UNC80: variants seen among roughly 807,000 people sequenced by gnomAD.
UNC80 encodes the protein unc-80 subunit of NALCN channel complex, also known as protein unc-80 homolog.
A neutral mutation model predicts 384.6 loss-of-function variants in UNC80; 164 were observed. That is an observed-to-expected ratio of 0.43 (90% confidence interval 0.38 to 0.49). UNC80 has a LOEUF of 0.49. UNC80 is among the 20% of genes least tolerant of loss of function. The probability of loss-of-function intolerance (pLI) is 0.00; values close to 1 mark genes in which losing one functional copy is unlikely to be tolerated. For synonymous variants in UNC80, 1,486 were observed against 1,527.8 expected (o/e 0.97, Z 0.64); for missense variants, 3,330 against 4,143.0 (o/e 0.80, Z 5.39).
At chr2:209,951,230 TATC>T (rs1280978791) in intron 47 of UNC80, among the ~76,000 whole-genome samples, 3 of 152,120 alleles carry the variant, frequency 2.0e-5, no homozygotes, top group Non-Finnish European at 2.9e-5. Flanking sequence ...TCTACTGACT[TATC>T]ATATCTGTTG....
Position 209,941,374 on chromosome 2 carries a change from CG to C in UNC80, c.6802del (p.Glu2268LysfsTer106). 1 of 1,551,382 alleles carries C rather than the reference CG, an allele frequency of 6.4e-7. No homozygotes were observed. ...NVFNGALILHPEDSALLRQYA... is the reference protein window; with the variant it reads ...NVFNGALILHXEDSALLRQYA... The stretch of plus-strand genomic sequence containing the variant: ...TTTAACGGGGCTCTGATCCTCCACC[CG>C]GAAGACAGTGCCCTGCTCAGGCAGT... On this transcript the variant is annotated frameshift_variant, in exon 44 of 65. Coordinates refer to ENST00000673920, the MANE Select transcript of UNC80 (RefSeq NM_001371986.1). LOFTEE classifies it high-confidence loss of function.
At chr2:209,783,078 GT>G (rs2077237105) in intron 4 of UNC80, among the ~76,000 whole-genome samples, 1 of 151,968 alleles carries the variant, frequency 6.6e-6, no homozygotes, top group Admixed American at 6.6e-5. Context: ...AATAATAGTT[GT>G]TTCTTTAAAT....
At chr2:209,894,769 A>T (rs1184235756) in intron 27 of UNC80, among the ~76,000 whole-genome samples, 1 of 152,214 alleles carries the variant, frequency 6.6e-6, no homozygotes, top group Non-Finnish European at 1.5e-5. Context: ...ATGCTTGTGT[A>T]TTCATTCTTT....
chr2:209,941,603 G>T (rs2091637393), intron 44 of UNC80, 114 bp downstream of exon 44: 2 of 1,215,922 alleles, frequency 1.6e-6, no homozygotes, highest in African/African-American at 1.5e-5. Flanking sequence ...ATCTTCTTTT[G>T]TGACAACAGA....
chr2:209,777,996 A>T (rs2076959515), intron 4 of UNC80, among the ~76,000 whole-genome samples: 1 of 152,188 alleles, frequency 6.6e-6, no homozygotes, highest in African/African-American at 2.4e-5. Flanking sequence ...TCAAAATGCA[A>T]CTTTAATATC....
Position 209,888,208 on chromosome 2 carries a change from C to G in UNC80, c.4224C>G (p.Leu1408=). Residue 1408 remains leucine, a synonymous_variant, in exon 26 of 65, where the codon CTC becomes CTG. Transcript: ENST00000673920. ...AAAATGAAGACTCAAAAGATTCTCT[C>G]CACAGCAGCAGCCACACTCTCAAAT... ...LDENEDSKDS[L]HSSSHTLKSD... 1 of 1,551,672 alleles carries G rather than the reference C, an allele frequency of 6.4e-7. No homozygotes were observed. The highest frequency in any genetic ancestry group is 8.7e-7 in the Non-Finnish European group (1 of 1,146,986).
intron 25 of UNC80, among the ~76,000 whole-genome samples, chr2:209,883,606 A>AT (rs973130388): frequency 6.7e-5 from 10 of 150,206 alleles, no homozygotes; most frequent in African/African-American, 2.2e-4. Context: ...AATTTTTTTT[A>AT]TTTTTTTTAG....
At chr2:209,852,327 A>T (rs1407546630) in intron 22 of UNC80, among the ~76,000 whole-genome samples, 10 of 152,096 alleles carry the variant, frequency 6.6e-5, no homozygotes, top group African/African-American at 2.4e-4. Flanking sequence ...TCCCATTATG[A>T]GGCAAAAAGA....
intron 47 of UNC80, among the ~76,000 whole-genome samples, chr2:209,951,212 T>C (rs1439833717): frequency 6.6e-6 from 1 of 151,984 alleles, no homozygotes; most frequent in East Asian, 1.9e-4. Flanking sequence ...AAAGAAAATA[T>C]TCCATTTTCT....
rs1440539162 is a variant in UNC80 at position 209,872,998 on chromosome 2, A to G, written c.3840+28A>G. 1.3e-6 allele frequency: 2 copies of G among 1,543,060 alleles called. No homozygotes were observed. Among genetic ancestry groups the G allele is most frequent in the Non-Finnish European group, 1.8e-6 (2 of 1,139,464 alleles). ...GAGCTTTCGGTTTTCTTCTATAACA[A>G]TTAGGTTGCTTAAGTGAAGTGGAGT... On this transcript the variant is annotated intron_variant, in intron 23 of 64. Coordinates refer to ENST00000673920, the MANE Select transcript of UNC80 (RefSeq NM_001371986.1). This position sits in a 1 kb window ranked among gnomAD's most constrained non-coding sequence, Gnocchi z 4.1.
At position 209,986,687 on chromosome 2, in the gene UNC80, G is replaced by A. The variant is rs555919216; in HGVS notation, c.9314+1775G>A. Among the ~76,000 whole-genome samples the A allele has an allele frequency of 7.9e-5, 12 of 152,224 alleles. No homozygotes were observed. The South Asian group carries it at 2.5e-3, about 32-fold the overall frequency. ...TGTGAGTCACCCAGACCCAGTTGTG[G>A]TCATTAAGAAATGGGAAGATGAGGC... On this transcript the variant is annotated intron_variant, in intron 61 of 64. Transcript: ENST00000673920.
At chr2:209,907,312 TAC>T (rs1417675406) in intron 29 of UNC80, among the ~76,000 whole-genome samples, 1 of 99,674 alleles carries the variant, frequency 1.0e-5, no homozygotes, top group African/African-American at 3.8e-5. Context: ...AAAAAAAAAA[TAC>T]AGTTTGTACC....
chr2:209,940,649 AC>A (rs2091565302), intron 43 of UNC80, among the ~76,000 whole-genome samples: 1 of 152,080 alleles, frequency 6.6e-6, no homozygotes, highest in Admixed American at 6.5e-5. Context: ...CCCTGTCTCT[AC>A]TAAAAATACA....
intron 59 of UNC80, among the ~76,000 whole-genome samples, chr2:209,979,077 C>G (rs1334418915): frequency 1.3e-5 from 2 of 152,048 alleles, no homozygotes; most frequent in Non-Finnish European, 2.9e-5. Flanking sequence ...GATGAAATCC[C>G]ATCTCTACTA....
Position 209,834,209 on chromosome 2 carries a change from A to C in UNC80, c.2942+41A>C, listed in dbSNP as rs1415726854. 1.9e-6 allele frequency: 3 copies of C among 1,541,730 alleles called. No individual in the cohort carries two copies. In the East Asian group the frequency reaches 7.3e-5, roughly 38 times the overall value. On this transcript the variant is annotated intron_variant, in intron 17 of 64. Coordinates refer to ENST00000673920, the MANE Select transcript of UNC80 (RefSeq NM_001371986.1). Reference sequence around the variant, plus strand: ...TCTCTGAATATTACTGTTTGCCTTAAGTCAGTAGAATAAAATCTGTTGTAC... The same window carrying C: ...TCTCTGAATATTACTGTTTGCCTTACGTCAGTAGAATAAAATCTGTTGTAC...
rs748823788 is a variant in UNC80 at position 209,994,168 on chromosome 2, A to G, written c.9612A>G (p.Pro3204=). Residue 3204 remains proline, a synonymous_variant, in exon 64 of 65, where the codon CCA becomes CCG. Coordinates refer to ENST00000673920, the MANE Select transcript of UNC80 (RefSeq NM_001371986.1). ...CAGGCCAACTACAGGGCTGTAGCCC[A>G]GCCCCTTCTAGGAAACCAGAAGCAA... is the stretch of plus-strand genomic sequence containing the variant. ...PATGQLQGCS[P]APSRKPEAMD... The G allele has an allele frequency of 2.4e-5, 38 of 1,551,446 alleles. No individual in the cohort carries two copies. The highest frequency in any genetic ancestry group is 1.2e-4 in the Admixed American group (6 of 50,980).
chr2:209,983,880 G>A (rs561473977), intron 60 of UNC80, among the ~76,000 whole-genome samples: 1 of 152,170 alleles, frequency 6.6e-6, no homozygotes, highest in Admixed American at 6.5e-5. Flanking sequence ...TTCATATTTT[G>A]GAAGACTAGC....
At chr2:209,939,354 C>T in intron 42 of UNC80, 118 bp from the exon 43 acceptor site, 2 of 1,075,290 alleles carry the variant, frequency 1.9e-6, no homozygotes, top group Non-Finnish European at 2.6e-6. Context: ...CACTTTTTCC[C>T]CTTTTCCGAC....
Position 209,959,655 on chromosome 2 carries a change from G to T in UNC80, c.7753G>T (p.Gly2585Trp), listed in dbSNP as rs1377472663. The stretch of plus-strand genomic sequence containing the variant: ...GCTGAAGATCTTGCAAAATCTGGCT[G>T]GGGAGCCTCGGGTCATTGCCTTGGA... ...PRLKILQNLA[G>W]EPRVIALELL... is the part of the protein sequence containing the mutation. The change falls in exon 51 of 65, where the codon GGG becomes TGG. Residue 2585 changes from glycine to tryptophan, a missense_variant. This residue lies in a region of UNC80 where 1,049 missense variants were observed against 1,488.6 expected (regional missense o/e 0.70). Coordinates refer to ENST00000673920, the MANE Select transcript of UNC80 (RefSeq NM_001371986.1). The T allele has an allele frequency of 1.9e-6, 3 of 1,551,552 alleles. No individual in the cohort carries two copies. Among genetic ancestry groups the T allele is most frequent in the Non-Finnish European group, 2.6e-6 (3 of 1,146,992 alleles).
Sources: allele counts gnomAD v4.1 joint callset (sites outside exome capture counted in the v4.1 genomes callset), GRCh38; gene constraint gnomAD v4.1.1; regional missense constraint gnomAD v4.1.1; non-coding constraint Gnocchi (gnomAD v3.1); transcripts MANE v1.5; gene names NCBI Gene and HGNC (gene_info 2026-07-23, HGNC 2026-07-21).